Variants in SLC9A7 observed in about 807,000 individuals in gnomAD.
SLC9A7 encodes the protein sodium/hydrogen exchanger 7.
SLC9A7 carries 19 observed loss-of-function variants against 52.6 expected under a neutral mutation model. The ratio of observed to expected loss-of-function variants is 0.36; its 90% CI spans 0.25 to 0.53. The LOEUF is 0.53. Ranked by LOEUF, SLC9A7 falls within the 20% of genes least tolerant of loss-of-function variation. The pLI is 0.91. For missense variants in SLC9A7, 455 were observed against 597.9 expected, an observed-to-expected ratio of 0.76 and a Z score of 2.49; for synonymous variants, 226 against 252.1, an observed-to-expected ratio of 0.90 and a Z score of 0.98.
At chrX:46,668,164 A>G (rs1943951899) in intron 5 of SLC9A7, among the ~76,000 whole-genome samples, 1 of 112,647 alleles carries the variant, frequency 8.9e-6, no homozygotes, top group African/African-American at 3.2e-5. Context: ...GAAAGAAGAA[A>G]ATCTAAGTGT....
chrX:46,740,834 C>A (rs185946026), intron 1 of SLC9A7, among the ~76,000 whole-genome samples: 158 of 106,376 alleles, frequency 1.5e-3, no homozygotes, highest in Non-Finnish European at 2.3e-3. Context: ...CAAAGTCATC[C>A]AGATTGCAAA....
At chrX:46,666,918 A>G (rs1338796278) in intron 5 of SLC9A7, among the ~76,000 whole-genome samples, 1 of 112,458 alleles carries the variant, frequency 8.9e-6, no homozygotes. Context: ...ATTTCTCCAC[A>G]GACACACATC....
Position 46,668,054 on chromosome X carries a change from T to C in SLC9A7, c.793+1553A>G, listed in dbSNP as rs750019846. Among the ~76,000 whole-genome samples the C allele has an allele frequency of 2.7e-5, 3 of 111,968 alleles. No homozygotes were observed. In the South Asian group the frequency reaches 1.1e-3, roughly 41 times the overall value. Reference sequence around the variant, plus strand: ...GCACAAAAGGAGTTTACAAATTAAATTACATTCACTACAGATAATCATGTG... The same window carrying C: ...GCACAAAAGGAGTTTACAAATTAAACTACATTCACTACAGATAATCATGTG... On this transcript the variant is annotated intron_variant, in intron 5 of 16. Transcript: ENST00000616978.
intron 15 of SLC9A7, among the ~76,000 whole-genome samples, chrX:46,615,659 C>CATATATATAT (rs758950486): frequency 1.9e-5 from 2 of 103,266 alleles, no homozygotes; most frequent in African/African-American, 3.5e-5. Context: ...TATACATATA[C>CATATATATAT]ATATATATAT....
At position 46,600,477 on chromosome X, in the gene SLC9A7, G is replaced by C. The variant is rs1284063119; in HGVS notation, c.*6475C>G. On this transcript the variant is annotated 3_prime_UTR_variant, in exon 17 of 17. Coordinates refer to ENST00000616978, the MANE Select transcript of SLC9A7 (RefSeq NM_001257291.2). ...TTTTCAAAGGGCAGCACAGCAGGCAGCCCTTCCTTCTCATCTTCTCCAAGG... is the reference window on the plus strand; with the variant it reads ...TTTTCAAAGGGCAGCACAGCAGGCACCCCTTCCTTCTCATCTTCTCCAAGG... 9.0e-6 allele frequency: 1 copy of C among 111,577 alleles called. No homozygotes were observed. Among genetic ancestry groups the C allele is most frequent in the Non-Finnish European group, 1.9e-5 (1 of 53,157 alleles). 9.2% of individuals were successfully genotyped at this position (111,577 alleles called of 1,213,427 possible).
intron 1 of SLC9A7, among the ~76,000 whole-genome samples, chrX:46,699,298 A>G (rs1217872155): frequency 8.9e-6 from 1 of 112,029 alleles, no homozygotes; most frequent in Non-Finnish European, 1.9e-5. Flanking sequence ...CTTGGGTGAG[A>G]CACCAGGAAG....
At chrX:46,620,456 A>C in intron 15 of SLC9A7, among the ~76,000 whole-genome samples, 2 of 111,216 alleles carry the variant, frequency 1.8e-5, no homozygotes, top group Middle Eastern at 4.6e-3. Context: ...AACAAACAAA[A>C]AAAACCATGA....
chrX:46,716,357 G>A (rs987144152), intron 1 of SLC9A7, among the ~76,000 whole-genome samples: 1 of 111,784 alleles, frequency 8.9e-6, no homozygotes, highest in African/African-American at 3.3e-5. Context: ...AACAAACATT[G>A]ATAAACCAAG....
rs189829995 is a variant in SLC9A7, at chrX:46,729,924, C to T, written c.325+28781G>A. On this transcript the variant is annotated intron_variant, in intron 1 of 16. Transcript: ENST00000616978. ...GATTTATTTAACTCAGAGGTTCATT[C>T]TAAGTTGGTGATATTTTGGTTTGGA... Among the ~76,000 whole-genome samples the T allele has an allele frequency of 3.0e-3, 338 of 111,828 alleles. 2 individuals carry two copies. The highest frequency in any genetic ancestry group is 0.014 in the Middle Eastern group (3 of 218).
At chrX:46,711,883 G>A (rs192976009) in intron 1 of SLC9A7, among the ~76,000 whole-genome samples, 55 of 80,978 alleles carry the variant, frequency 6.8e-4, no homozygotes, top group Non-Finnish European at 1.0e-3. Flanking sequence ...TCCCTTTAAC[G>A]GCACAGCCTC....
chrX:46,692,081 C>T (rs1274244810), intron 1 of SLC9A7, among the ~76,000 whole-genome samples: 1 of 111,436 alleles, frequency 9.0e-6, no homozygotes, highest in Admixed American at 9.5e-5. Flanking sequence ...AGCAACCTTA[C>T]TCTATCAGTT....
intron 1 of SLC9A7, among the ~76,000 whole-genome samples, chrX:46,729,789 G>GAAAGAAAGAAAAGA (rs1180329768): frequency 5.4e-5 from 6 of 110,707 alleles, no homozygotes; most frequent in Non-Finnish European, 1.1e-4. Context: ...AAAAAGAAAA[G>GAAAGAAAGAAAAGA]AAAGAAAGAA....
At chrX:46,733,436 C>G (rs1279362129) in intron 1 of SLC9A7, among the ~76,000 whole-genome samples, 3 of 111,726 alleles carry the variant, frequency 2.7e-5, no homozygotes, top group Non-Finnish European at 3.8e-5. Flanking sequence ...ATTAAGAGCA[C>G]TGGAAAATGT....
intron 1 of SLC9A7, among the ~76,000 whole-genome samples, chrX:46,715,359 T>C (rs1244406220): frequency 2.7e-5 from 3 of 111,822 alleles, no homozygotes; most frequent in Non-Finnish European, 5.6e-5. Flanking sequence ...CAGTAGGCAT[T>C]CAATAAACAC....
At chrX:46,717,372 T>G (rs1254013494) in intron 1 of SLC9A7, among the ~76,000 whole-genome samples, 2 of 111,943 alleles carry the variant, frequency 1.8e-5, no homozygotes, top group Admixed American at 1.9e-4. Context: ...AAAATACTGA[T>G]GTAGGGTCAT....
Position 46,648,773 on chromosome X carries a change from C to T in SLC9A7, c.1375G>A (p.Ala459Thr), listed in dbSNP as rs201056681. 7.9e-5 allele frequency: 95 copies of T among 1,208,411 alleles called. No homozygotes were observed. The highest frequency in any genetic ancestry group is 9.7e-5 in the Non-Finnish European group (87 of 894,191). Residue 459 changes from alanine (A) to threonine (T), a missense_variant, in exon 11 of 17, where the codon GCG becomes ACG. Transcript: ENST00000616978. ...AFVAIFLGRA[A>T]HIYPLSFFLN... ...AAGAAGGAGAGCGGGTAGATGTGCG[C>T]GGCTCTGCCCAGGAAGATGGCAACC...
At chrX:46,644,751 A>G (rs991476651) in intron 11 of SLC9A7, among the ~76,000 whole-genome samples, 2 of 111,940 alleles carry the variant, frequency 1.8e-5, no homozygotes, top group African/African-American at 3.3e-5. Context: ...TAGACCTACT[A>G]TATCTGTTTG....
rs1464002320 is a variant in SLC9A7, at chrX:46,605,006, TG to T, written c.*1945del. 3.6e-5 allele frequency: 4 copies of T among 110,240 alleles called. No individual in the cohort carries two copies. Among genetic ancestry groups the T allele is most frequent in the African/African-American group, 1.3e-4 (4 of 30,337 alleles). The allele number at this position is 110,240 out of a possible 1,213,427, so 9.1% of individuals were successfully genotyped here. On this transcript the variant is annotated 3_prime_UTR_variant, in exon 17 of 17. Coordinates refer to ENST00000616978, the MANE Select transcript of SLC9A7 (RefSeq NM_001257291.2). The stretch of plus-strand genomic sequence containing the variant: ...CCATCATAAGAAAAACTGGCCAGTA[TG>T]GTGAAACCCCGTCTCTACTAAAAAA...
intron 1 of SLC9A7, among the ~76,000 whole-genome samples, chrX:46,719,617 A>T (rs1327018518): frequency 8.9e-6 from 1 of 111,956 alleles, no homozygotes; most frequent in African/African-American, 3.2e-5. Flanking sequence ...CTTGCTGACA[A>T]GAACAAAATA....
Sources: gnomAD v4.1 joint callset for allele counts (sites outside exome capture counted in the v4.1 genomes callset) on GRCh38, gnomAD v4.1.1 for gene constraint, MANE v1.5 for transcripts, NCBI Gene and HGNC (gene_info 2026-07-23, HGNC 2026-07-21) for gene names.